The following PGGT1B variants were observed in gnomAD, a reference collection of about 807,000 sequenced individuals.
The protein encoded by PGGT1B is geranylgeranyl transferase type-1 subunit beta.
PGGT1B carries 30 observed loss-of-function variants against 46.1 expected under a neutral mutation model. That is an observed-to-expected ratio of 0.65 (90% CI 0.49 to 0.88). PGGT1B has a LOEUF of 0.88. Ranked by LOEUF, PGGT1B falls within the 40% of genes least tolerant of loss-of-function variation. The pLI, the probability that PGGT1B is intolerant of heterozygous loss-of-function variation, is 0.00. For synonymous variants in PGGT1B, 170 were observed against 160.0 expected (o/e 1.06, Z -0.47); for missense variants, 376 against 455.9 (o/e 0.82, Z 1.60).
intron 8 of PGGT1B, 88 bp from the exon 9 acceptor site, chr5:115,212,671 C>G (rs953186374): frequency 9.4e-6 from 8 of 850,064 alleles, no homozygotes; most frequent in Non-Finnish European, 1.4e-5. Flanking sequence ...ACCAGCCCAT[C>G]ACTCCATTAA....
rs1319934746 is a variant in PGGT1B, at chr5:115,211,161, C to A, written c.*1241G>T. On this transcript the variant is annotated 3_prime_UTR_variant, in exon 9 of 9. Coordinates refer to ENST00000419445, the MANE Select transcript of PGGT1B (RefSeq NM_005023.4). ...TCCTTTAGTGAAGAGATTTCTTTCC[C>A]CATTTCAGTACTAGACGCAATAGTT... is the stretch of plus-strand genomic sequence containing the variant. The A allele has an allele frequency of 6.6e-6, 1 of 151,948 alleles. No individual in the cohort carries two copies. Among genetic ancestry groups the A allele is most frequent in the Non-Finnish European group, 1.5e-5 (1 of 67,908 alleles). The allele number at this position is 151,948 out of a possible 1,614,324, so 9.4% of individuals were successfully genotyped here.
chr5:115,259,271 C>T (rs902865227), intron 1 of PGGT1B, among the ~76,000 whole-genome samples: 5 of 152,180 alleles, frequency 3.3e-5, no homozygotes, highest in African/African-American at 7.2e-5. Flanking sequence ...CCAAGGCCCA[C>T]ACAGAATCCA....
At chr5:115,250,755 A>G (rs1748058835) in intron 2 of PGGT1B, among the ~76,000 whole-genome samples, 1 of 152,192 alleles carries the variant, frequency 6.6e-6, no homozygotes, top group African/African-American at 2.4e-5. Context: ...ACCAGCACTC[A>G]GCTCAAGAAA....
intron 7 of PGGT1B, among the ~76,000 whole-genome samples, chr5:115,218,149 TG>T (rs1756477599): frequency 6.6e-6 from 1 of 151,774 alleles, no homozygotes; most frequent in South Asian, 2.1e-4. Context: ...GTTGGAAAAG[TG>T]AGAGGCTAAA....
At chr5:115,251,968 A>G (rs1486677279) in intron 2 of PGGT1B, among the ~76,000 whole-genome samples, 1 of 152,116 alleles carries the variant, frequency 6.6e-6, no homozygotes, top group Non-Finnish European at 1.5e-5. Flanking sequence ...ATTGACATGT[A>G]TTTTGCAAGT....
At chr5:115,223,083 G>T (rs374749610) in intron 6 of PGGT1B, among the ~76,000 whole-genome samples, 1 of 151,624 alleles carries the variant, frequency 6.6e-6, no homozygotes, top group Non-Finnish European at 1.5e-5. Flanking sequence ...AAACCTGCAC[G>T]TTGTGCACAT....
intron 8 of PGGT1B, among the ~76,000 whole-genome samples, chr5:115,215,069 G>A (rs977791392): frequency 1.3e-5 from 2 of 152,174 alleles, no homozygotes; most frequent in African/African-American, 4.8e-5. Flanking sequence ...TGAGATCTTG[G>A]CTCACTGCAA....
chr5:115,249,976 A>C (rs1204092497), intron 2 of PGGT1B, among the ~76,000 whole-genome samples: 1 of 152,138 alleles, frequency 6.6e-6, no homozygotes, highest in Non-Finnish European at 1.5e-5. Flanking sequence ...TTAACTACTT[A>C]ATAAATTTTG....
At chr5:115,218,052 A>T (rs1012319215) in intron 7 of PGGT1B, among the ~76,000 whole-genome samples, 17 of 151,896 alleles carry the variant, frequency 1.1e-4, no homozygotes, top group African/African-American at 3.1e-4. Flanking sequence ...CTAACTTAAC[A>T]TTATAAAAAT....
At chr5:115,216,787 T>C in intron 8 of PGGT1B, 78 bp downstream of exon 8, 3 of 759,056 alleles carry the variant, frequency 4.0e-6, no homozygotes, top group East Asian at 2.5e-5. Flanking sequence ...TTTTCTATCA[T>C]ATGCCTTTTC....
At chr5:115,234,767 G>A (rs1372149902) in intron 5 of PGGT1B, among the ~76,000 whole-genome samples, 1 of 151,930 alleles carries the variant, frequency 6.6e-6, no homozygotes, top group African/African-American at 2.4e-5. Context: ...ATGAAAGGAC[G>A]AAAGTTAAAA....
chr5:115,225,268 T>C (rs1017452209), intron 6 of PGGT1B, among the ~76,000 whole-genome samples: 1 of 152,222 alleles, frequency 6.6e-6, no homozygotes, highest in Non-Finnish European at 1.5e-5. Flanking sequence ...GCTTCAGTTA[T>C]ATGGAGAATT....
At chr5:115,232,011 T>G (rs1228871442) in intron 5 of PGGT1B, among the ~76,000 whole-genome samples, 1 of 152,078 alleles carries the variant, frequency 6.6e-6, no homozygotes, top group Non-Finnish European at 1.5e-5. Flanking sequence ...CACACACAGA[T>G]AGCAGACTGT....
In PGGT1B at chr5:115,208,563, T is replaced by C. The variant is rs1199123813; in HGVS notation, c.*3839A>G. ...TTAAACAAATTTCCTGTTTTACTAT[T>C]TCCCCCTTGTCATTTAAATTTTTGT... is the stretch of plus-strand genomic sequence containing the variant. On this transcript the variant is annotated 3_prime_UTR_variant, in exon 9 of 9. Transcript: ENST00000419445. 6.6e-6 allele frequency: 1 copy of C among 152,094 alleles called. No homozygotes were observed. Among genetic ancestry groups the C allele is most frequent in the South Asian group, 2.1e-4 (1 of 4,828 alleles). The allele number at this position is 152,094 out of a possible 1,614,324, so 9.4% of individuals were successfully genotyped here. A position where few individuals can be genotyped will look rare whatever the true frequency, so the allele number is the denominator to read the frequency against.
At chr5:115,217,901 AC>A (rs1304579101) in intron 7 of PGGT1B, among the ~76,000 whole-genome samples, 1 of 151,952 alleles carries the variant, frequency 6.6e-6, no homozygotes, top group Non-Finnish European at 1.5e-5. Context: ...TAATAGTAAC[AC>A]TGCACTTGGC....
chr5:115,249,598 AGGAGCAGGTAATTGGAATGAGTCAGGGT>A (rs1329424523), intron 2 of PGGT1B, among the ~76,000 whole-genome samples: 2 of 150,980 alleles, frequency 1.3e-5, no homozygotes, highest in African/African-American at 4.8e-5. Flanking sequence ...TGAGTCAGGG[AGGAGCAGGTAATTGGAATGAGTCAGGGT>A]GGAGCAGGTA....
At chr5:115,223,066 A>G (rs1015749594) in intron 6 of PGGT1B, among the ~76,000 whole-genome samples, 2 of 152,088 alleles carry the variant, frequency 1.3e-5, no homozygotes, top group Admixed American at 6.6e-5. Flanking sequence ...ATGTATACAT[A>G]TGTAACAAAC....
chr5:115,234,215 C>A (rs1301283795), intron 5 of PGGT1B, among the ~76,000 whole-genome samples: 19 of 140,032 alleles, frequency 1.4e-4, no homozygotes, highest in South Asian at 2.2e-4. Flanking sequence ...AAGCAAACAG[C>A]AAAAAAAAAA....
chr5:115,220,896 G>C (rs533840405), intron 7 of PGGT1B, among the ~76,000 whole-genome samples: 26 of 151,930 alleles, frequency 1.7e-4, no homozygotes, highest in Non-Finnish European at 3.4e-4. Context: ...AAGGGAATTA[G>C]AGTATGGATG....
Sources: gnomAD v4.1 joint callset for allele counts (sites outside exome capture counted in the v4.1 genomes callset) on GRCh38, gnomAD v4.1.1 for gene constraint, MANE v1.5 for transcripts, NCBI Gene and HGNC (gene_info 2026-07-23, HGNC 2026-07-21) for gene names.